Variants in HERC5 observed in about 807,000 individuals in gnomAD.
HERC5 encodes HECT and RLD domain containing E3 ubiquitin protein ligase 5.
In HERC5, 99 loss-of-function variants were observed where a neutral mutation model predicts 119.6. The observed-to-expected ratio is 0.83, with a 90% CI of 0.70 to 0.98. The LOEUF is 0.98. Among genes scored for constraint, HERC5 ranks in the 50% least tolerant of loss-of-function variants. The pLI, the probability that HERC5 is intolerant of heterozygous loss-of-function variation, is 0.00. For synonymous variants in HERC5, 478 were observed against 445.9 expected (o/e 1.07, Z -0.91); for missense variants, 1,267 against 1,241.3 (o/e 1.02, Z -0.31).
intron 5 of HERC5, 49 bp downstream of exon 5, chr4:88,463,672 T>G: frequency 6.6e-7 from 1 of 1,521,644 alleles, no homozygotes; most frequent in Non-Finnish European, 9.1e-7. Flanking sequence ...AAGAACAGTT[T>G]GTATGGGAAG....
intron 11 of HERC5, 112 bp from the exon 12 acceptor site, chr4:88,475,729 C>A: frequency 1.1e-6 from 1 of 881,834 alleles, no homozygotes; most frequent in South Asian, 1.5e-5. Context: ...TGATTATTCT[C>A]ATTTAGTAGT....
chr4:88,462,594 G>A (rs1245441273), intron 4 of HERC5, among the ~76,000 whole-genome samples: 4 of 152,138 alleles, frequency 2.6e-5, no homozygotes, highest in African/African-American at 9.7e-5. Context: ...TTGAATTAGG[G>A]ATGAGAACCT....
chr4:88,457,975 A>T (rs1740242396), intron 1 of HERC5: 1 of 992,030 alleles, frequency 1.0e-6, no homozygotes, highest in Non-Finnish European at 1.2e-6. Flanking sequence ...CTTCTCCCAC[A>T]TTCTCATCGA....
At chr4:88,468,246 G>A in intron 7 of HERC5, 100 bp from the exon 8 acceptor site, 1 of 826,160 alleles carries the variant, frequency 1.2e-6, no homozygotes, top group Non-Finnish European at 1.9e-6. Flanking sequence ...AAGAAGAAAA[G>A]ATGACTACGT....
chr4:88,468,448 A>G, intron 8 of HERC5, 26 bp downstream of exon 8: 2 of 1,485,872 alleles, frequency 1.3e-6, no homozygotes, highest in Non-Finnish European at 1.9e-6. Context: ...CAGGTGTTCT[A>G]TAACCTGGTA....
chr4:88,478,744 T>C (rs1560606178), intron 12 of HERC5, among the ~76,000 whole-genome samples: 1 of 152,086 alleles, frequency 6.6e-6, no homozygotes, highest in Non-Finnish European at 1.5e-5. Flanking sequence ...CCCGAGTAGC[T>C]GGGCCACAGA....
intron 6 of HERC5, among the ~76,000 whole-genome samples, 166 bp downstream of exon 6, chr4:88,464,151 C>T (rs1453090143): frequency 6.9e-6 from 1 of 145,940 alleles, no homozygotes; most frequent in Non-Finnish European, 1.5e-5. Context: ...TTTTACTATA[C>T]ATGGTTGTTT....
Position 88,462,301 on chromosome 4 carries a change from C to T in HERC5, c.633C>T (p.Asn211=). Residue 211 remains asparagine, a synonymous_variant, in exon 4 of 23, where the codon AAC becomes AAT. Transcript: ENST00000264350. ...GCATGGCCTTATCCATGTCTGGCAACATTTATTCATGGGGAAAAAATGAAT... is the reference window on the plus strand; with the variant it reads ...GCATGGCCTTATCCATGTCTGGCAATATTTATTCATGGGGAAAAAATGAAT... ...AHSMALSMSG[N]IYSWGKNECG... 1.2e-6 allele frequency: 2 copies of T among 1,614,188 alleles called. No homozygotes were observed. The highest frequency in any genetic ancestry group is 1.7e-6 in the Non-Finnish European group (2 of 1,180,040).
Position 88,494,145 on chromosome 4 carries a change from A to AT in HERC5, c.2278-11dup, listed in dbSNP as rs539218806. On this transcript the variant is annotated intron_variant, in intron 17 of 22. Transcript: ENST00000264350. Reference sequence around the variant, plus strand: ...TGGTAAAAACTCATAATACTTTAAGATTTTTTTTTCGCTTTTCAGCCTAAA... The same window carrying AT: ...TGGTAAAAACTCATAATACTTTAAGATTTTTTTTTTCGCTTTTCAGCCTAAA... 538 of 1,524,246 alleles carry AT rather than the reference A, an allele frequency of 3.5e-4. No individual in the cohort carries two copies. The highest frequency in any genetic ancestry group is 5.6e-4 in the South Asian group (47 of 84,218). The allele number at this position is 1,524,246 out of a possible 1,614,324, so 94.4% of individuals were successfully genotyped here.
chr4:88,467,406 G>A (rs755135564), intron 7 of HERC5, among the ~76,000 whole-genome samples: 16 of 152,182 alleles, frequency 1.1e-4, no homozygotes, highest in Non-Finnish European at 1.9e-4. Context: ...TACTCCTTCA[G>A]ATTAGGATTA....
Position 88,472,364 on chromosome 4 carries a change from AG to A in HERC5, c.1299-42del, listed in dbSNP as rs1208367305. On this transcript the variant is annotated intron_variant, in intron 10 of 22. Coordinates refer to ENST00000264350, the MANE Select transcript of HERC5 (RefSeq NM_016323.4). ...AAGCTCTAGAAGAAACTTTGCATCT[AG>A]GGAGATAATCTAACAAAATACTTAA... The A allele has an allele frequency of 2.7e-6, 3 of 1,108,432 alleles. No individual in the cohort carries two copies. In the South Asian group the frequency reaches 4.1e-5, roughly 15 times the overall value. The allele number at this position is 1,108,432 out of a possible 1,614,324, so 68.7% of individuals were successfully genotyped here. A position where few individuals can be genotyped will look rare whatever the true frequency, so the allele number is the denominator to read the frequency against.
intron 3 of HERC5, 25 bp downstream of exon 3, chr4:88,460,196 T>C (rs1226176852): frequency 7.9e-7 from 1 of 1,265,412 alleles, no homozygotes; most frequent in East Asian, 2.3e-5. Context: ...ATATTAATAG[T>C]TTTGTAGAAG....
At chr4:88,460,069 A>G in intron 2 of HERC5, 26 bp from the exon 3 acceptor site, 1 of 1,236,480 alleles carries the variant, frequency 8.1e-7, no homozygotes, top group African/African-American at 1.5e-5. Flanking sequence ...ATGGTGATTA[A>G]CACAAAGTGT....
chr4:88,502,619 A>G (rs992707092), intron 20 of HERC5, among the ~76,000 whole-genome samples: 1 of 152,168 alleles, frequency 6.6e-6, no homozygotes. Context: ...GTAAGCAAAC[A>G]TAAAAAATGG....
Position 88,465,206 on chromosome 4 carries a change from C to T in HERC5, c.911+1221C>T, listed in dbSNP as rs866459826. 6.6e-5 allele frequency among the ~76,000 whole-genome samples: 10 copies of T among 152,288 alleles called. No homozygotes were observed. The South Asian group carries it at 8.3e-4, about 13-fold the overall frequency. ...TTGGGATTACAGGGGTGAGCCACCACGCCACTATTTAATTTTTTTGATTAT... is the reference window on the plus strand; with the variant it reads ...TTGGGATTACAGGGGTGAGCCACCATGCCACTATTTAATTTTTTTGATTAT... On this transcript the variant is annotated intron_variant, in intron 6 of 22. Coordinates refer to ENST00000264350, the MANE Select transcript of HERC5 (RefSeq NM_016323.4).
At chr4:88,502,226 G>A (rs1348124964) in intron 20 of HERC5, among the ~76,000 whole-genome samples, 1 of 152,230 alleles carries the variant, frequency 6.6e-6, no homozygotes, top group Non-Finnish European at 1.5e-5. Context: ...GTAACTGGGA[G>A]AAGTGCTTGG....
chr4:88,495,431 C>T (rs1247905225), intron 18 of HERC5, among the ~76,000 whole-genome samples: 1 of 151,994 alleles, frequency 6.6e-6, no homozygotes, highest in Non-Finnish European at 1.5e-5. Context: ...GGCATGGTGG[C>T]ACATGCCAGG....
chr4:88,482,246 G>A (rs1741303433), intron 13 of HERC5, among the ~76,000 whole-genome samples: 1 of 151,304 alleles, frequency 6.6e-6, no homozygotes, highest in Non-Finnish European at 1.5e-5. Flanking sequence ...GGAGGCAGAG[G>A]TTGTAGTGAG....
At chr4:88,497,920 G>A (rs1365839076) in intron 18 of HERC5, among the ~76,000 whole-genome samples, 4 of 152,290 alleles carry the variant, frequency 2.6e-5, no homozygotes, top group East Asian at 3.9e-4. Flanking sequence ...TGTCAAGAGT[G>A]GCTTTGTGTG....
Sources: gnomAD v4.1 joint callset for allele counts (sites outside exome capture counted in the v4.1 genomes callset) on GRCh38, gnomAD v4.1.1 for gene constraint, MANE v1.5 for transcripts, NCBI Gene and HGNC (gene_info 2026-07-23, HGNC 2026-07-21) for gene names.